Variants in HHAT observed in about 807,000 individuals in gnomAD.
The protein encoded by HHAT is protein-cysteine N-palmitoyltransferase HHAT.
A neutral mutation model predicts 70.8 loss-of-function variants in HHAT; 47 were observed. The observed-to-expected ratio is 0.66, with a 90% confidence interval of 0.53 to 0.85. HHAT has a LOEUF of 0.85. HHAT is among the 40% of genes least tolerant of loss of function. The pLI is 0.00. For synonymous variants in HHAT, 228 were observed against 247.6 expected (o/e 0.92, Z 0.74); for missense variants, 609 against 604.8 (o/e 1.01, Z -0.07).
chr1:210,664,056 C>T (rs1196761791), intron 11 of HHAT, among the ~76,000 whole-genome samples: 1 of 152,226 alleles, frequency 6.6e-6, no homozygotes, highest in Non-Finnish European at 1.5e-5. Flanking sequence ...AAAGCCTGTT[C>T]TTCAAAGCTT....
At chr1:210,422,100 G>A (rs988237047) in intron 7 of HHAT, among the ~76,000 whole-genome samples, 2 of 151,964 alleles carry the variant, frequency 1.3e-5, no homozygotes, top group Non-Finnish European at 2.9e-5. Context: ...GTGTACATTT[G>A]CATCATAGAC....
intron 11 of HHAT, among the ~76,000 whole-genome samples, chr1:210,639,798 C>T (rs1672639911): frequency 6.6e-6 from 1 of 152,168 alleles, no homozygotes; most frequent in Non-Finnish European, 1.5e-5. Flanking sequence ...GTCAGTTCTT[C>T]CCTTGCCCAA....
In HHAT at chr1:210,329,176, TA is replaced by T. The variant is rs113095614; in HGVS notation, c.-44+82del. On this transcript the variant is annotated intron_variant, in intron 1 of 11. Transcript: ENST00000261458. ...AATTTTCTGCGTCAGTTTACTCTGT[TA>T]AAAAAAAAATGCACAAAACGCTTTC... The T allele has an allele frequency of 8.9e-3, 9,494 of 1,069,386 alleles. 12 individuals carry two copies. The highest frequency in any genetic ancestry group is 0.02 in the East Asian group (526 of 26,234). 66.2% of individuals were successfully genotyped at this position (1,069,386 alleles called of 1,614,324 possible). A position where few individuals can be genotyped will look rare whatever the true frequency, so the allele number is the denominator to read the frequency against.
At chr1:210,386,302 G>T (rs1248120012) in intron 3 of HHAT, among the ~76,000 whole-genome samples, 3 of 132,644 alleles carry the variant, frequency 2.3e-5, no homozygotes, top group Admixed American at 8.3e-5. Flanking sequence ...GCAGTGGCGG[G>T]ATTTCGGCTC....
chr1:210,424,594 C>CG (rs1318760170), intron 7 of HHAT, among the ~76,000 whole-genome samples: 2 of 151,662 alleles, frequency 1.3e-5, no homozygotes, highest in Non-Finnish European at 2.9e-5. Context: ...TCCCTCCTCC[C>CG]ACCCTCCACC....
chr1:210,445,667 G>T (rs1206716692), intron 7 of HHAT, among the ~76,000 whole-genome samples: 2 of 152,196 alleles, frequency 1.3e-5, no homozygotes, highest in African/African-American at 4.8e-5. Context: ...TTGAGGGAAG[G>T]TAGTGTCATT....
chr1:210,611,447 A>G (rs754133923), intron 10 of HHAT, among the ~76,000 whole-genome samples: 4 of 151,994 alleles, frequency 2.6e-5, no homozygotes, highest in Non-Finnish European at 5.9e-5. Flanking sequence ...GGATCATGTC[A>G]TCTCCAAAGA....
At chr1:210,498,774 C>CTT (rs36053258) in intron 8 of HHAT, among the ~76,000 whole-genome samples, 6 of 119,856 alleles carry the variant, frequency 5.0e-5, no homozygotes, top group Non-Finnish European at 7.1e-5. Context: ...TTTTTTTTTT[C>CTT]TTTTTTTTTT....
intron 8 of HHAT, among the ~76,000 whole-genome samples, chr1:210,508,573 C>G (rs950501968): frequency 2.0e-5 from 3 of 152,086 alleles, no homozygotes; most frequent in East Asian, 1.9e-4. Flanking sequence ...AGCGTCGTAT[C>G]AAATATGTTG....
intron 11 of HHAT, among the ~76,000 whole-genome samples, chr1:210,669,827 A>C (rs1263974839): frequency 6.6e-6 from 1 of 152,224 alleles, no homozygotes; most frequent in Non-Finnish European, 1.5e-5. Context: ...ACTGCCCACC[A>C]GGCAGTATGA....
chr1:210,523,955 G>A (rs1031482733), intron 9 of HHAT, among the ~76,000 whole-genome samples: 6 of 152,220 alleles, frequency 3.9e-5, no homozygotes, highest in African/African-American at 9.7e-5. Context: ...GATGACATGC[G>A]TGAGCATGGA....
Position 210,587,298 on chromosome 1 carries a change from C to T in HHAT, c.1044-600C>T, listed in dbSNP as rs146916444. 4.3e-4 allele frequency among the ~76,000 whole-genome samples: 65 copies of T among 152,296 alleles called. No homozygotes were observed. In the East Asian group the frequency reaches 9.5e-3, roughly 22 times the overall value. The stretch of plus-strand genomic sequence containing the variant: ...AGAAGGTGAAGGAGAAGCAAAGGCA[C>T]ATCTTACATGGCGCCAGGCCGGAGA... On this transcript the variant is annotated intron_variant, in intron 9 of 11. Transcript: ENST00000261458.
intron 7 of HHAT, among the ~76,000 whole-genome samples, chr1:210,456,642 G>A (rs1421362294): frequency 6.6e-6 from 1 of 152,208 alleles, no homozygotes; most frequent in Non-Finnish European, 1.5e-5. Flanking sequence ...GGATGAGTCT[G>A]AGCTACTGGT....
intron 9 of HHAT, among the ~76,000 whole-genome samples, chr1:210,564,714 A>G (rs17016478): frequency 0.059 from 8,979 of 151,990 alleles, 842 homozygotes; most frequent in African/African-American, 0.2. Flanking sequence ...TCAATGCACA[A>G]TGTAATAGAT....
intron 9 of HHAT, among the ~76,000 whole-genome samples, chr1:210,541,140 C>T (rs1424558501): frequency 6.6e-6 from 1 of 152,000 alleles, no homozygotes; most frequent in Non-Finnish European, 1.5e-5. Context: ...TGCGTCTAGC[C>T]AAGTATTGCT....
rs376956353 is a variant in HHAT at position 210,607,484 on chromosome 1, T to C, written c.1246-16042T>C. ...TTAAAAAGGAGGCCTTGCTTTAAGC[T>C]GTTGTTTTTGTGGTTGAACAGAATA... On this transcript the variant is annotated intron_variant, in intron 10 of 11. Coordinates refer to ENST00000261458, the MANE Select transcript of HHAT (RefSeq NM_018194.6). Among the ~76,000 whole-genome samples the C allele has an allele frequency of 3.3e-5, 5 of 152,304 alleles. No homozygotes were observed. In the South Asian group the frequency reaches 1.0e-3, roughly 32 times the overall value.
At chr1:210,352,631 CTA>C (rs1433718042) in intron 2 of HHAT, among the ~76,000 whole-genome samples, 1 of 152,144 alleles carries the variant, frequency 6.6e-6, no homozygotes, top group South Asian at 2.1e-4. Context: ...ACTGCTGTCT[CTA>C]TCAGCAGTAG....
chr1:210,494,276 T>G (rs2094596538), intron 8 of HHAT, among the ~76,000 whole-genome samples: 1 of 152,128 alleles, frequency 6.6e-6, no homozygotes, highest in Non-Finnish European at 1.5e-5. Flanking sequence ...GCTGCTCTGT[T>G]GAGAATGGCT....
chr1:210,370,164 T>C (rs996646871), intron 3 of HHAT, among the ~76,000 whole-genome samples: 1 of 23,228 alleles, frequency 4.3e-5, no homozygotes, highest in African/African-American at 1.4e-4. Flanking sequence ...CTTCAATGAC[T>C]TTTTTTTTTT....
Sources: gnomAD v4.1 joint callset for allele counts (sites outside exome capture counted in the v4.1 genomes callset) on GRCh38, gnomAD v4.1.1 for gene constraint, MANE v1.5 for transcripts, NCBI Gene and HGNC (gene_info 2026-07-23, HGNC 2026-07-21) for gene names.